The following ZDHHC14 variants were observed in gnomAD, a reference collection of about 807,000 sequenced individuals.
The protein encoded by ZDHHC14 is zDHHC palmitoyltransferase 14.
In ZDHHC14, 16 loss-of-function variants were observed where a neutral mutation model predicts 47.7. The observed-to-expected ratio is 0.34, with a 90% CI of 0.23 to 0.51. The LOEUF is 0.51. Among genes scored for constraint, ZDHHC14 ranks in the 20% least tolerant of loss-of-function variants. The pLI is 0.97. For missense variants in ZDHHC14, 515 were observed against 662.5 expected (o/e 0.78, Z 2.44); for synonymous variants, 293 against 278.9 (o/e 1.05, Z -0.50).
At chr6:157,524,890 T>C (rs1204474522) in intron 1 of ZDHHC14, among the ~76,000 whole-genome samples, 1 of 152,242 alleles carries the variant, frequency 6.6e-6, no homozygotes, top group Non-Finnish European at 1.5e-5. Context: ...CCTGTGTTAG[T>C]GAGCTATTGC....
chr6:157,652,585 C>G (rs1777890206), intron 7 of ZDHHC14, among the ~76,000 whole-genome samples: 1 of 152,184 alleles, frequency 6.6e-6, no homozygotes, highest in Non-Finnish European at 1.5e-5. Flanking sequence ...TCTAATGAGC[C>G]CAGCACCGTA....
chr6:157,652,249 A>C (rs1036833982), intron 7 of ZDHHC14, among the ~76,000 whole-genome samples: 4 of 152,142 alleles, frequency 2.6e-5, no homozygotes, highest in African/African-American at 9.7e-5. Flanking sequence ...TGAAGACCTG[A>C]AGGCAGTAGT....
At chr6:157,645,884 G>C in intron 6 of ZDHHC14, 45 bp downstream of exon 6, 1 of 1,531,724 alleles carries the variant, frequency 6.5e-7, no homozygotes, top group Non-Finnish European at 9.0e-7. Context: ...CTTGGGTTTT[G>C]GGCAATGGAG....
intron 3 of ZDHHC14, among the ~76,000 whole-genome samples, chr6:157,598,744 G>C (rs937505356): frequency 1.3e-5 from 2 of 152,210 alleles, no homozygotes; most frequent in Non-Finnish European, 2.9e-5. Context: ...CAAACTGTAA[G>C]TAGAGTATGC....
At chr6:157,394,300 T>C (rs138726739) in intron 1 of ZDHHC14, among the ~76,000 whole-genome samples, 4 of 152,350 alleles carry the variant, frequency 2.6e-5, no homozygotes, top group African/African-American at 9.6e-5. Context: ...CATGAAAAGG[T>C]GGAGTCTGAT....
intron 1 of ZDHHC14, among the ~76,000 whole-genome samples, chr6:157,450,943 G>A (rs1778788862): frequency 6.6e-6 from 1 of 151,942 alleles, no homozygotes; most frequent in African/African-American, 2.4e-5. Context: ...ACATTTTAGT[G>A]TTTTTAATAA....
At chr6:157,485,918 C>T (rs1336418442) in intron 1 of ZDHHC14, among the ~76,000 whole-genome samples, 1 of 152,180 alleles carries the variant, frequency 6.6e-6, no homozygotes, top group Non-Finnish European at 1.5e-5. Context: ...GAGGCTGAGG[C>T]TGGAGAATTG....
intron 2 of ZDHHC14, among the ~76,000 whole-genome samples, chr6:157,565,378 C>G (rs934719553): frequency 5.3e-5 from 8 of 152,074 alleles, no homozygotes; most frequent in Admixed American, 3.3e-4. Context: ...TATTGTGTGC[C>G]TTCAACACAT....
intron 4 of ZDHHC14, chr6:157,632,548 AAGG>A: frequency 2.2e-6 from 1 of 454,698 alleles, no homozygotes; most frequent in East Asian, 3.5e-5. Flanking sequence ...GAGGAAAACA[AAGG>A]AGTCATCAGA....
At chr6:157,496,811 C>T (rs547079942) in intron 1 of ZDHHC14, among the ~76,000 whole-genome samples, 7 of 152,326 alleles carry the variant, frequency 4.6e-5, no homozygotes, top group Non-Finnish European at 7.4e-5. Context: ...CTGGTTATGG[C>T]GGCCCTAGGA....
chr6:157,608,872 A>G (rs1358819096), intron 3 of ZDHHC14, among the ~76,000 whole-genome samples: 1 of 152,182 alleles, frequency 6.6e-6, no homozygotes, highest in Non-Finnish European at 1.5e-5. Flanking sequence ...AGGGCACTAG[A>G]GTCCAGGCCA....
chr6:157,608,834 AG>A lies in ZDHHC14; in HGVS notation c.565+15695del, dbSNP rs34721947. Among the ~76,000 whole-genome samples, 89 of 152,244 alleles carry A rather than the reference AG, an allele frequency of 5.8e-4. 1 individual carries two copies. The highest frequency in any genetic ancestry group is 2.1e-3 in the African/African-American group (87 of 41,534). ...GGCACGACAGAGCCAAGGAGACGAG[AG>A]GGGGGGCTGTCCCCACAGGGCGGGA... On this transcript the variant is annotated intron_variant, in intron 3 of 8. Coordinates refer to ENST00000359775, the MANE Select transcript of ZDHHC14 (RefSeq NM_024630.3).
intron 5 of ZDHHC14, among the ~76,000 whole-genome samples, chr6:157,641,566 T>G (rs1777252991): frequency 6.6e-6 from 1 of 152,152 alleles, no homozygotes; most frequent in Non-Finnish European, 1.5e-5. Context: ...TACGAACATG[T>G]AGGGGTTCTT....
intron 1 of ZDHHC14, among the ~76,000 whole-genome samples, chr6:157,519,357 T>C (rs1391201538): frequency 6.9e-6 from 1 of 143,934 alleles, no homozygotes; most frequent in Non-Finnish European, 1.5e-5. Context: ...TAACACATAT[T>C]GATAGAAGTA....
chr6:157,538,689 G>A (rs1427894586), intron 1 of ZDHHC14, among the ~76,000 whole-genome samples: 4 of 152,138 alleles, frequency 2.6e-5, no homozygotes, highest in East Asian at 3.9e-4. Context: ...AGAAAAACAC[G>A]GTGGGGGTTC....
intron 3 of ZDHHC14, among the ~76,000 whole-genome samples, chr6:157,600,210 C>G (rs1784286973): frequency 6.6e-6 from 1 of 152,136 alleles, no homozygotes; most frequent in African/African-American, 2.4e-5. Flanking sequence ...AACCCCCACC[C>G]TTATTTATAA....
At chr6:157,462,957 T>C (rs1004376966) in intron 1 of ZDHHC14, among the ~76,000 whole-genome samples, 3 of 152,230 alleles carry the variant, frequency 2.0e-5, no homozygotes, top group African/African-American at 7.2e-5. Flanking sequence ...TTACCAAGAA[T>C]AAAATACTGC....
At chr6:157,506,187 C>T (rs1371114905) in intron 1 of ZDHHC14, among the ~76,000 whole-genome samples, 1 of 152,192 alleles carries the variant, frequency 6.6e-6, no homozygotes, top group Non-Finnish European at 1.5e-5. Flanking sequence ...CTCATTATCC[C>T]TCTTTAGAAA....
At chr6:157,511,979 G>C (rs1780506948) in intron 1 of ZDHHC14, among the ~76,000 whole-genome samples, 1 of 152,106 alleles carries the variant, frequency 6.6e-6, no homozygotes, top group Admixed American at 6.6e-5. Context: ...CTTAGAACTG[G>C]AGCATGAACA....
Sources: gnomAD v4.1 joint callset for allele counts (sites outside exome capture counted in the v4.1 genomes callset) on GRCh38, gnomAD v4.1.1 for gene constraint, MANE v1.5 for transcripts, NCBI Gene and HGNC (gene_info 2026-07-23, HGNC 2026-07-21) for gene names.